SCAMP1: variants seen among roughly 807,000 people sequenced by gnomAD.
SCAMP1 encodes the protein secretory carrier-associated membrane protein 1.
Under a neutral mutation model 41.8 loss-of-function variants are expected in SCAMP1, and 15 were observed. That is an observed-to-expected ratio of 0.36 (90% CI 0.24 to 0.55). The LOEUF (loss-of-function observed/expected upper bound fraction) is 0.55. Ranked by LOEUF, SCAMP1 falls within the 20% of genes least tolerant of loss-of-function variation. The probability of loss-of-function intolerance (pLI) is 0.86; values close to 1 mark genes in which losing one functional copy is unlikely to be tolerated. For synonymous variants in SCAMP1, 135 were observed against 136.8 expected (o/e 0.99, Z 0.09); for missense variants, 341 against 412.6 (o/e 0.83, Z 1.50).
chr5:78,467,937 A>G (rs1267509554), intron 8 of SCAMP1, among the ~76,000 whole-genome samples: 2 of 152,142 alleles, frequency 1.3e-5, no homozygotes, highest in African/African-American at 2.4e-5. Flanking sequence ...ATTTATAACC[A>G]CTAGGGGTCA....
rs777923800 is a variant in SCAMP1 at position 78,418,899 on chromosome 5, G to A, written c.468G>A (p.Trp156Ter). The change falls in exon 5 of 9, where the codon TGG becomes TGA. Residue 156 changes from tryptophan (W) to a stop codon, truncating the protein, a stop_gained. Coordinates refer to ENST00000621999, the MANE Select transcript of SCAMP1 (RefSeq NM_004866.6). LOFTEE classifies it high-confidence loss of function. ...CAGTAAAGCTTATGTACTACTTGTG[G>A]ATGTGTGAGTATACAACAATTTACA... ...QKTVKLMYYLWMFHAVTLFLN... is the reference protein window; with the variant it reads ...QKTVKLMYYL 2 of 1,562,594 alleles carry A rather than the reference G, an allele frequency of 1.3e-6. No individual in the cohort carries two copies. The highest frequency in any genetic ancestry group is 1.7e-6 in the Non-Finnish European group (2 of 1,156,510).
rs774366797 is a variant in SCAMP1, at chr5:78,475,587, T to G, written c.936T>G (p.Thr312=). ...CAACAGGTGTGATGTCCAACAAAAC[T>G]GTCCAGACCGCAGCTGCAAATGCAG... ...EFATGVMSNK[T]VQTAAANAAS... The change falls in exon 9 of 9, where the codon ACT becomes ACG. Residue 312 remains threonine, a synonymous_variant. Coordinates refer to ENST00000621999, the MANE Select transcript of SCAMP1 (RefSeq NM_004866.6). 1.2e-6 allele frequency: 2 copies of G among 1,609,990 alleles called. No homozygotes were observed. The highest frequency in any genetic ancestry group is 2.7e-5 in the African/African-American group (2 of 74,828).
intron 6 of SCAMP1, among the ~76,000 whole-genome samples, chr5:78,423,696 G>A (rs891151): frequency 0.31 from 46,118 of 150,802 alleles, 7,540 homozygotes; most frequent in East Asian, 0.54. Context: ...CCCCATTTTG[G>A]CAGTTGAAAT....
At chr5:78,411,046 C>G (rs545019367) in intron 2 of SCAMP1, among the ~76,000 whole-genome samples, 9 of 151,986 alleles carry the variant, frequency 5.9e-5, no homozygotes, top group Non-Finnish European at 1.3e-4. Flanking sequence ...AGACTTTTGT[C>G]AGATGGATAG....
intron 6 of SCAMP1, among the ~76,000 whole-genome samples, chr5:78,445,660 T>C (rs1215117056): frequency 6.6e-6 from 1 of 152,204 alleles, no homozygotes; most frequent in South Asian, 2.1e-4. Context: ...CCTGGACCTT[T>C]TCTGATTCTG....
At position 78,477,584 on chromosome 5, in the gene SCAMP1, T is replaced by C. The variant is rs1311907082; in HGVS notation, c.*1916T>C. 1 of 152,150 alleles carries C rather than the reference T, an allele frequency of 6.6e-6. No homozygotes were observed. The highest frequency in any genetic ancestry group is 2.4e-5 in the African/African-American group (1 of 41,454). 9.4% of individuals were successfully genotyped at this position (152,150 alleles called of 1,614,324 possible). On this transcript the variant is annotated 3_prime_UTR_variant, in exon 9 of 9. Coordinates refer to ENST00000621999, the MANE Select transcript of SCAMP1 (RefSeq NM_004866.6). ...TCCTGTACACTACAAACAAAAGATA[T>C]ATTAGAGACTTTTGAAAAATGCTGA...
At chr5:78,382,813 G>A (rs1182773475) in intron 1 of SCAMP1, among the ~76,000 whole-genome samples, 4 of 64,168 alleles carry the variant, frequency 6.2e-5, no homozygotes, top group Non-Finnish European at 1.6e-4. Context: ...GTGTGTGTGT[G>A]TGTGTGCGCC....
intron 2 of SCAMP1, among the ~76,000 whole-genome samples, chr5:78,392,969 G>A (rs959607643): frequency 6.6e-6 from 1 of 152,134 alleles, no homozygotes; most frequent in African/African-American, 2.4e-5. Context: ...CTTGATTCTT[G>A]TATCAGGATA....
At chr5:78,403,839 C>T (rs986826536) in intron 2 of SCAMP1, among the ~76,000 whole-genome samples, 5 of 150,232 alleles carry the variant, frequency 3.3e-5, no homozygotes, top group Non-Finnish European at 5.9e-5. Flanking sequence ...GTGGCATGCG[C>T]CTGTAGTCCC....
chr5:78,406,470 T>C (rs573421740), intron 2 of SCAMP1, among the ~76,000 whole-genome samples: 5 of 152,312 alleles, frequency 3.3e-5, no homozygotes, highest in Non-Finnish European at 5.9e-5. Flanking sequence ...GGAGAAAATA[T>C]ATTTGCTTAT....
At chr5:78,417,868 C>G (rs1752247402) in intron 4 of SCAMP1, among the ~76,000 whole-genome samples, 1 of 152,082 alleles carries the variant, frequency 6.6e-6, no homozygotes, top group East Asian at 1.9e-4. Flanking sequence ...TGGGGAGAAT[C>G]AGAAATAGGT....
intron 2 of SCAMP1, among the ~76,000 whole-genome samples, chr5:78,409,263 C>A (rs1752008657): frequency 6.6e-6 from 1 of 152,138 alleles, no homozygotes; most frequent in African/African-American, 2.4e-5. Flanking sequence ...TGTGTATTTA[C>A]AATATTATTT....
At chr5:78,371,797 T>C (rs2112050367) in intron 1 of SCAMP1, among the ~76,000 whole-genome samples, 1 of 152,188 alleles carries the variant, frequency 6.6e-6, no homozygotes, top group East Asian at 1.9e-4. Context: ...TTTTACAGAA[T>C]ACAGTTGAAT....
At chr5:78,464,825 G>A (rs531466298) in intron 8 of SCAMP1, among the ~76,000 whole-genome samples, 1 of 152,230 alleles carries the variant, frequency 6.6e-6, no homozygotes, top group South Asian at 2.1e-4. Context: ...ATGCCATTTT[G>A]TCCTCTCGGA....
At chr5:78,447,937 CT>C (rs560806771) in intron 6 of SCAMP1, among the ~76,000 whole-genome samples, 2 of 72,046 alleles carry the variant, frequency 2.8e-5, no homozygotes, top group African/African-American at 5.8e-5. Context: ...CCCTTCCTCC[CT>C]CCTTCCCCCT....
intron 8 of SCAMP1, among the ~76,000 whole-genome samples, chr5:78,460,065 T>C (rs1272944200): frequency 6.6e-6 from 1 of 152,248 alleles, no homozygotes; most frequent in African/African-American, 2.4e-5. Flanking sequence ...GCTGCATCTA[T>C]GTTGCTACGA....
intron 3 of SCAMP1, 95 bp from the exon 4 acceptor site, chr5:78,416,446 T>C (rs1561267206): frequency 1.2e-6 from 1 of 832,730 alleles, no homozygotes; most frequent in Non-Finnish European, 1.8e-6. Flanking sequence ...TTGAATTAGG[T>C]TTCTCTCATA....
intron 2 of SCAMP1, among the ~76,000 whole-genome samples, chr5:78,412,670 G>C (rs1214251670): frequency 1.3e-5 from 2 of 152,032 alleles, no homozygotes; most frequent in Non-Finnish European, 2.9e-5. Context: ...TACTAGTGCT[G>C]TTACACCTCT....
At chr5:78,444,066 C>T (rs1331282333) in intron 6 of SCAMP1, among the ~76,000 whole-genome samples, 1 of 152,122 alleles carries the variant, frequency 6.6e-6, no homozygotes, top group East Asian at 1.9e-4. Flanking sequence ...AGGGGCAGTT[C>T]ATAGTGCTGC....
Sources: gnomAD v4.1 joint callset for allele counts (sites outside exome capture counted in the v4.1 genomes callset) on GRCh38, gnomAD v4.1.1 for gene constraint, MANE v1.5 for transcripts, NCBI Gene and HGNC (gene_info 2026-07-23, HGNC 2026-07-21) for gene names.